The following TSC22D1 variants were observed in gnomAD, a reference collection of about 807,000 sequenced individuals.
TSC22D1 encodes the protein TSC22 domain family protein 1.
Under a neutral mutation model 74.2 loss-of-function variants are expected in TSC22D1, and 9 were observed. The observed-to-expected ratio is 0.12, with a 90% confidence interval of 0.07 to 0.21. TSC22D1 has a LOEUF of 0.21. Among genes scored for constraint, TSC22D1 ranks in the 10% least tolerant of loss-of-function variants. TSC22D1 has a pLI of 1.00. For missense variants in TSC22D1, 1,427 were observed against 1,304.7 expected, an observed-to-expected ratio of 1.09 and a Z score of -1.44; for synonymous variants, 586 against 492.5, an observed-to-expected ratio of 1.19 and a Z score of -2.51.
chr13:44,439,819 C>T (rs1016294443), intron 1 of TSC22D1, among the ~76,000 whole-genome samples: 15 of 152,224 alleles, frequency 9.9e-5, no homozygotes, highest in African/African-American at 3.6e-4. Flanking sequence ...AAAAGAGGAA[C>T]AGGCCTGAGT....
intron 1 of TSC22D1, among the ~76,000 whole-genome samples, chr13:44,526,241 A>G (rs750870696): frequency 1.1e-4 from 17 of 152,234 alleles, no homozygotes; most frequent in Non-Finnish European, 2.1e-4. Context: ...TAGGCCAACA[A>G]TTGCAAATAA....
intron 1 of TSC22D1, among the ~76,000 whole-genome samples, chr13:44,437,894 C>G (rs927751402): frequency 6.6e-6 from 1 of 152,194 alleles, no homozygotes; most frequent in African/African-American, 2.4e-5. Context: ...AATAGTTAAG[C>G]AGCCAATAGA....
rs754744730 is a variant in TSC22D1 at position 44,432,698 on chromosome 13, C to G, written c.*1928G>C. ...AAATGAATGATTCAGAAAGTTTGTC[C>G]TTGTTCTGCAAGGACTTAAGACAAG... is the stretch of plus-strand genomic sequence containing the variant. On this transcript the variant is annotated 3_prime_UTR_variant, in exon 3 of 3. Coordinates refer to ENST00000458659, the MANE Select transcript of TSC22D1 (RefSeq NM_183422.4). 2.4e-4 allele frequency: 36 copies of G among 150,194 alleles called. No homozygotes were observed. Among genetic ancestry groups the G allele is most frequent in the Non-Finnish European group, 4.4e-4 (30 of 67,572 alleles). 9.3% of individuals were successfully genotyped at this position (150,194 alleles called of 1,614,324 possible).
Position 44,575,162 on chromosome 13 carries a change from T to G in TSC22D1, c.913A>C (p.Asn305His), listed in dbSNP as rs1218083714. Residue 305 changes from asparagine to histidine, a missense_variant, in exon 1 of 3, where the codon AAT becomes CAT. Coordinates refer to ENST00000458659, the MANE Select transcript of TSC22D1 (RefSeq NM_183422.4). ...ACTGTACTAGTGCCAGTAACAGAAT[T>G]TATACCTATTCCACCTGTAGTACTT... Reference protein sequence around the residue: ...APSTTGGIGINSVTGTSTVNN... With the variant: ...APSTTGGIGIHSVTGTSTVNN... 3.7e-6 allele frequency: 6 copies of G among 1,614,032 alleles called. No homozygotes were observed. The highest frequency in any genetic ancestry group is 5.1e-6 in the Non-Finnish European group (6 of 1,180,042).
Position 44,533,511 on chromosome 13 carries a change from C to T in TSC22D1, c.2912+39652G>A, listed in dbSNP as rs1035289922. Among the ~76,000 whole-genome samples, 3 of 150,028 alleles carry T rather than the reference C, an allele frequency of 2.0e-5. No individual in the cohort carries two copies. The South Asian group carries it at 6.4e-4, about 32-fold the overall frequency. On this transcript the variant is annotated intron_variant, in intron 1 of 2. Transcript: ENST00000458659. ...ATGGAAGCAAATTCTGAATCAACTT[C>T]TTAGCAAAGAGTATCCTTTCCCAGC...
In TSC22D1 at chr13:44,574,291, G is replaced by A. The variant is rs769349618; in HGVS notation, c.1784C>T (p.Pro595Leu). The A allele has an allele frequency of 4.3e-6, 7 of 1,614,240 alleles. No individual in the cohort carries two copies. Among genetic ancestry groups the A allele is most frequent in the South Asian group, 3.3e-5 (3 of 91,090 alleles). Residue 595 changes from proline to leucine, a missense_variant, in exon 1 of 3, where the codon CCT (proline) becomes CTT (leucine). By Grantham distance (98) the Pro-to-Leu change is moderately conservative. Coordinates refer to ENST00000458659, the MANE Select transcript of TSC22D1 (RefSeq NM_183422.4). ...VGVTSALGQQ[P>L]SISSLAQPQL... ...GGGTTGAGCCAAACTGGAAATGGAA[G>A]GCTGCTGACCTAAAGCTGAAGTTAC... is the stretch of plus-strand genomic sequence containing the variant.
intron 1 of TSC22D1, among the ~76,000 whole-genome samples, chr13:44,563,737 CT>C (rs1883189648): frequency 6.6e-6 from 1 of 152,158 alleles, no homozygotes; most frequent in South Asian, 2.1e-4. Flanking sequence ...GTGAACTTTG[CT>C]TATGTCATTT....
At chr13:44,566,376 C>G (rs540318338) in intron 1 of TSC22D1, among the ~76,000 whole-genome samples, 1 of 152,298 alleles carries the variant, frequency 6.6e-6, no homozygotes, top group South Asian at 2.1e-4. Flanking sequence ...AAACTTAATT[C>G]ACAAGATTAC....
At chr13:44,557,191 A>G (rs991111281) in intron 1 of TSC22D1, among the ~76,000 whole-genome samples, 15 of 142,718 alleles carry the variant, frequency 1.1e-4, no homozygotes, top group African/African-American at 3.4e-4. Context: ...GGCCGGGCGC[A>G]GTGGCACACA....
At chr13:44,509,949 G>GCAAAAAAAAAAAAAAAAAAAAAA (rs1555268695) in intron 1 of TSC22D1, among the ~76,000 whole-genome samples, 79 of 6,024 alleles carry the variant, frequency 0.013, no homozygotes, top group Middle Eastern at 0.17. Context: ...TAGAAAATAA[G>GCAAAAAAAAAAAAAAAAAAAAAA]CAAAAAAAAA....
intron 1 of TSC22D1, among the ~76,000 whole-genome samples, chr13:44,511,619 T>TACACACACACACACACACAC (rs66743224): frequency 6.8e-6 from 1 of 148,072 alleles, no homozygotes; most frequent in African/African-American, 2.5e-5. Context: ...TAAAAAGAAA[T>TACACACACACACACACACAC]ACACACACAC....
upstream of TSC22D1, chr13:44,577,030 C>T (rs1321532481): frequency 6.6e-6 from 1 of 152,570 alleles, no homozygotes; most frequent in Non-Finnish European, 1.5e-5. Flanking sequence ...CTCTTATCCT[C>T]TTCCTCCGCA....
Position 44,532,533 on chromosome 13 carries a change from G to T in TSC22D1, c.2912+40630C>A, listed in dbSNP as rs558383515. On this transcript the variant is annotated intron_variant, in intron 1 of 2. Coordinates refer to ENST00000458659, the MANE Select transcript of TSC22D1 (RefSeq NM_183422.4). ...CTGTCGCCCAGGCTGGAGTGCAGTG[G>T]CACCACCTCGGCTCACTGCAAGCTC... 3.6e-4 allele frequency among the ~76,000 whole-genome samples: 55 copies of T among 152,216 alleles called. No homozygotes were observed. The South Asian group carries it at 5.4e-3, about 15-fold the overall frequency.
intron 1 of TSC22D1, among the ~76,000 whole-genome samples, chr13:44,459,453 C>T (rs1392299481): frequency 6.6e-6 from 1 of 152,232 alleles, no homozygotes; most frequent in African/African-American, 2.4e-5. Context: ...GCTGTTCTGT[C>T]ACTCAATGAA....
intron 1 of TSC22D1, among the ~76,000 whole-genome samples, chr13:44,446,143 C>T (rs1875619471): frequency 6.6e-6 from 1 of 152,096 alleles, no homozygotes. Flanking sequence ...ATAAACAAAC[C>T]ATGGTACATC....
intron 1 of TSC22D1, among the ~76,000 whole-genome samples, chr13:44,526,479 G>GA (rs547121694): frequency 2.1e-3 from 302 of 142,364 alleles, no homozygotes; most frequent in African/African-American, 4.9e-3. Context: ...GAAAAGCAAA[G>GA]AAAAAAAAAA....
At position 44,478,049 on chromosome 13, in the gene TSC22D1, GTAAAATAA is replaced by G. The variant is rs1878006080; in HGVS notation, c.2913-41962_2913-41955del. ...AAAGTCCTTATATAAAAAGCAAATA[GTAAAATAA>G]TAAGTATAATAATAATAATAAGTAA... On this transcript the variant is annotated intron_variant, in intron 1 of 2. Coordinates refer to ENST00000458659, the MANE Select transcript of TSC22D1 (RefSeq NM_183422.4). Among the ~76,000 whole-genome samples, 8 of 151,820 alleles carry G rather than the reference GTAAAATAA, an allele frequency of 5.3e-5. 1 individual carries two copies. The South Asian group carries it at 1.7e-3, about 31-fold the overall frequency.
rs568875288 is a variant in TSC22D1 at position 44,545,932 on chromosome 13, G to A, written c.2912+27231C>T. Among the ~76,000 whole-genome samples the A allele has an allele frequency of 4.0e-5, 6 of 151,540 alleles. No individual in the cohort carries two copies. In the East Asian group the frequency reaches 5.8e-4, roughly 15 times the overall value. On this transcript the variant is annotated intron_variant, in intron 1 of 2. Transcript: ENST00000458659. ...GCAAAGGTTGCAGTGAGCCAAGATC[G>A]CGCCACTGCACTACAGCCTGGGTGA...
rs559505406 is a variant in TSC22D1, at chr13:44,467,546, A to G, written c.2913-31451T>C. ...CTACAAGGAACTCAAACAAATCAGC[A>G]AGAAAAAAAAATAACTCCGTTAAAA... On this transcript the variant is annotated intron_variant, in intron 1 of 2. Transcript: ENST00000458659. 1.3e-3 allele frequency among the ~76,000 whole-genome samples: 200 copies of G among 152,320 alleles called. 2 individuals carry two copies. In the South Asian group the frequency reaches 0.021, roughly 16 times the overall value.
Sources: allele counts gnomAD v4.1 joint callset (sites outside exome capture counted in the v4.1 genomes callset), GRCh38; gene constraint gnomAD v4.1.1; transcripts MANE v1.5; gene names NCBI Gene and HGNC (gene_info 2026-07-23, HGNC 2026-07-21).